The following DPYSL4 variants were observed in gnomAD, a reference collection of about 807,000 sequenced individuals.
The protein encoded by DPYSL4 is dihydropyrimidinase like 4, also known as dihydropyrimidinase-related protein 4.
Under a neutral mutation model 63.4 loss-of-function variants are expected in DPYSL4, and 43 were observed. The ratio of observed to expected loss-of-function variants is 0.68; its 90% CI spans 0.53 to 0.88. The LOEUF (loss-of-function observed/expected upper bound fraction) is 0.88, where lower values mean the gene tolerates loss of function less well. Ranked by LOEUF, DPYSL4 falls within the 40% of genes least tolerant of loss-of-function variation. The pLI is 0.00. For missense variants in DPYSL4, 733 were observed against 819.5 expected (o/e 0.89, Z 1.29); for synonymous variants, 353 against 331.7 (o/e 1.06, Z -0.70).
chr10:132,190,873 C>A, intron 2 of DPYSL4, 38 bp downstream of exon 2: 1 of 1,592,374 alleles, frequency 6.3e-7, no homozygotes, highest in South Asian at 1.1e-5. Flanking sequence ...GTTCCCAGCT[C>A]GTGTGTACAC....
At chr10:132,204,738 C>T (rs902017840) in intron 13 of DPYSL4, 101 bp from the exon 14 acceptor site, 39 of 1,060,118 alleles carry the variant, frequency 3.7e-5, no homozygotes, top group Non-Finnish European at 5.1e-5. Flanking sequence ...CTCTGCAGTC[C>T]TGGCCCCACT....
chr10:132,197,091 T>A lies in DPYSL4; in HGVS notation c.611T>A (p.Ile204Asn). 6.6e-7 allele frequency: 1 copy of A among 1,522,194 alleles called. No homozygotes were observed. The highest frequency in any genetic ancestry group is 8.8e-7 in the Non-Finnish European group (1 of 1,131,486). The allele number at this position is 1,522,194 out of a possible 1,614,324, so 94.3% of individuals were successfully genotyped here. Reference sequence around the variant, plus strand: ...CAGGTGCACGCTGAGAACGGGGACATCGTGGAGGAGGTGCCGTGGGGCAGG... The same window carrying A: ...CAGGTGCACGCTGAGAACGGGGACAACGTGGAGGAGGTGCCGTGGGGCAGG... ...LAQVHAENGDIVEEEQKRLLE... is the reference protein window; with the variant it reads ...LAQVHAENGDNVEEEQKRLLE... The change falls in exon 6 of 14, where the codon ATC becomes AAC. Residue 204 changes from isoleucine to asparagine, a missense_variant. Physicochemically the swap from Ile to Asn is moderately radical, Grantham distance 149. Coordinates refer to ENST00000338492, the MANE Select transcript of DPYSL4 (RefSeq NM_006426.3).
chr10:132,199,574 A>G (rs1484234626), intron 8 of DPYSL4, among the ~76,000 whole-genome samples: 1 of 151,272 alleles, frequency 6.6e-6, no homozygotes, highest in East Asian at 2.0e-4. Flanking sequence ...GGCATCCCCT[A>G]GGCGGCCTCT....
intron 12 of DPYSL4, among the ~76,000 whole-genome samples, chr10:132,203,216 G>A (rs76431751): frequency 0.032 from 4,851 of 152,294 alleles, 124 homozygotes; most frequent in Non-Finnish European, 0.052. Context: ...AGACGTGCAC[G>A]CTGATTTGTG....
chr10:132,189,174 C>G (rs1047908475), intron 1 of DPYSL4, among the ~76,000 whole-genome samples: 1 of 152,240 alleles, frequency 6.6e-6, no homozygotes, highest in African/African-American at 2.4e-5. Context: ...AGCAGGCGGC[C>G]GGACCTCCCT....
intron 1 of DPYSL4, among the ~76,000 whole-genome samples, chr10:132,189,288 G>A (rs934095955): frequency 2.0e-5 from 3 of 152,184 alleles, no homozygotes; most frequent in African/African-American, 4.8e-5. Flanking sequence ...CCGTGGGCGC[G>A]TCCTTCTCCA....
chr10:132,196,971 T>C, intron 5 of DPYSL4, 49 bp downstream of exon 5: 1 of 1,613,316 alleles, frequency 6.2e-7, no homozygotes, highest in South Asian at 1.1e-5. Flanking sequence ...CCCAGGCCGC[T>C]GCTGGTGCAG....
chr10:132,191,461 G>A lies in DPYSL4; in HGVS notation c.128+626G>A, dbSNP rs202101774. On this transcript the variant is annotated intron_variant, in intron 2 of 13. Transcript: ENST00000338492. Reference sequence around the variant, plus strand: ...TCATGTGGTATCCAGGCAGATGAAAGTATGTTCCCAGCTCGTGTGTACACG... The same window carrying A: ...TCATGTGGTATCCAGGCAGATGAAAATATGTTCCCAGCTCGTGTGTACACG... Among the ~76,000 whole-genome samples the A allele has an allele frequency of 5.2e-4, 28 of 53,442 alleles. 1 individual carries two copies. Among genetic ancestry groups the A allele is most frequent in the South Asian group, 1.2e-3 (2 of 1,714 alleles). The allele number at this position is 53,442 out of a possible 152,430, so 35.1% of individuals were successfully genotyped here.
chr10:132,198,743 G>T (rs748887986), intron 7 of DPYSL4, 108 bp from the exon 8 acceptor site: 10 of 1,512,240 alleles, frequency 6.6e-6, no homozygotes, highest in Admixed American at 3.8e-5. Context: ...CTACTAGGCT[G>T]CCCTGAGCCT....
intron 7 of DPYSL4, 122 bp downstream of exon 7, chr10:132,198,605 C>A (rs922878345): frequency 1.8e-6 from 2 of 1,133,974 alleles, no homozygotes; most frequent in Admixed American, 2.4e-5. Flanking sequence ...CCGACCTCAT[C>A]TGGGAGGCGT....
chr10:132,197,737 G>C (rs1457603449), intron 6 of DPYSL4, among the ~76,000 whole-genome samples: 1 of 152,206 alleles, frequency 6.6e-6, no homozygotes, highest in African/African-American at 2.4e-5. Flanking sequence ...GACGGGCTCT[G>C]CCCACCTCCT....
chr10:132,205,460 A>G lies in DPYSL4; in HGVS notation c.*530A>G, dbSNP rs2062083811. The stretch of plus-strand genomic sequence containing the variant: ...AGCCCTCCTGCTCACACAGCTGCTG[A>G]GACTTCAGGGACCCATCAGAACTTG... On this transcript the variant is annotated 3_prime_UTR_variant, in exon 14 of 14. Coordinates refer to ENST00000338492, the MANE Select transcript of DPYSL4 (RefSeq NM_006426.3). The G allele has an allele frequency of 6.5e-6, 1 of 153,048 alleles. No individual in the cohort carries two copies. The highest frequency in any genetic ancestry group is 2.4e-5 in the African/African-American group (1 of 41,464). 9.5% of individuals were successfully genotyped at this position (153,048 alleles called of 1,614,324 possible). A position where few individuals can be genotyped will look rare whatever the true frequency, so the allele number is the denominator to read the frequency against.
Position 132,195,208 on chromosome 10 carries a change from C to T in DPYSL4, c.478+199C>T, listed in dbSNP as rs11816777. On this transcript the variant is annotated intron_variant, in intron 4 of 13. Coordinates refer to ENST00000338492, the MANE Select transcript of DPYSL4 (RefSeq NM_006426.3). ...CCAAGAGGCCTTCTCTTTCCCAATC[C>T]GAGGGACCCATCCTGGAATTGTCCT... Among the ~76,000 whole-genome samples the T allele has an allele frequency of 2.5e-3, 380 of 152,262 alleles. 4 individuals are homozygous for T. Among genetic ancestry groups the T allele is most frequent in the African/African-American group, 8.7e-3 (362 of 41,538 alleles).
At chr10:132,199,262 G>A (rs1401677203) in intron 8 of DPYSL4, among the ~76,000 whole-genome samples, 3 of 152,104 alleles carry the variant, frequency 2.0e-5, no homozygotes, top group Admixed American at 6.5e-5. Flanking sequence ...ATGGAATGAT[G>A]AGGAGGGTCT....
rs375159043 is a variant in DPYSL4, at chr10:132,201,008, C to T, written c.1110+25C>T. 2.8e-5 allele frequency: 45 copies of T among 1,609,792 alleles called. No homozygotes were observed. In the Admixed American group the frequency reaches 5.5e-4, roughly 20 times the overall value. ...GGTGAGCACAGGCCTGGCCGGGGCA[C>T]GCCGTCTGGGGAGCGGCTGTGGGCG... On this transcript the variant is annotated intron_variant, in intron 10 of 13. Transcript: ENST00000338492.
chr10:132,194,560 T>C (rs777538395), intron 3 of DPYSL4, among the ~76,000 whole-genome samples: 6 of 152,158 alleles, frequency 3.9e-5, no homozygotes, highest in African/African-American at 9.7e-5. Flanking sequence ...CCAAGTGCGA[T>C]GTGGGAGTAG....
At position 132,203,942 on chromosome 10, in the gene DPYSL4, G is replaced by C. The variant is rs925679630; in HGVS notation, c.1627+15G>C. On this transcript the variant is annotated intron_variant, in intron 13 of 13. Transcript: ENST00000338492. ...CAGCCTATCTGGTGAGTTGGGCCTG[G>C]GGCACCAGTGGGGGTGAGGGGCTCT... 4 of 1,585,824 alleles carry C rather than the reference G, an allele frequency of 2.5e-6. No individual in the cohort carries two copies. Among genetic ancestry groups the C allele is most frequent in the Non-Finnish European group, 1.7e-6 (2 of 1,159,750 alleles).
chr10:132,202,879 CT>C, intron 12 of DPYSL4, 54 bp downstream of exon 12: 8 of 1,546,432 alleles, frequency 5.2e-6, no homozygotes, highest in Non-Finnish European at 7.0e-6. Flanking sequence ...GCGCTGAGTT[CT>C]AGGCCCAGAA....
At chr10:132,195,678 C>T (rs1204024711) in intron 4 of DPYSL4, among the ~76,000 whole-genome samples, 1 of 152,180 alleles carries the variant, frequency 6.6e-6, no homozygotes, top group Non-Finnish European at 1.5e-5. Flanking sequence ...GGTTCCCATT[C>T]CTCAGAGGGT....
Sources: gnomAD v4.1 joint callset for allele counts (sites outside exome capture counted in the v4.1 genomes callset) on GRCh38, gnomAD v4.1.1 for gene constraint, MANE v1.5 for transcripts, NCBI Gene and HGNC (gene_info 2026-07-23, HGNC 2026-07-21) for gene names.